DOCK5: variants seen among roughly 807,000 people sequenced by gnomAD.
The protein encoded by DOCK5 is dedicator of cytokinesis 5.
Under a neutral mutation model 251.8 loss-of-function variants are expected in DOCK5, and 142 were observed. The observed-to-expected ratio is 0.56, with a 90% CI of 0.49 to 0.65. The LOEUF (loss-of-function observed/expected upper bound fraction) is 0.65, where lower values mean the gene tolerates loss of function less well. Ranked by LOEUF, DOCK5 falls within the 30% of genes least tolerant of loss-of-function variation. The probability of loss-of-function intolerance (pLI) is 0.00; values close to 1 mark genes in which losing one functional copy is unlikely to be tolerated. For missense variants in DOCK5, 2,111 were observed against 2,312.3 expected (o/e 0.91, Z 1.79); for synonymous variants, 842 against 835.5 (o/e 1.01, Z -0.13).
At chr8:25,341,499 T>TC (rs1220291964) in intron 23 of DOCK5, among the ~76,000 whole-genome samples, 1 of 152,200 alleles carries the variant, frequency 6.6e-6, no homozygotes, top group Non-Finnish European at 1.5e-5. Context: ...AGAAATGAAC[T>TC]CCAAGTGGAC....
In DOCK5 at chr8:25,353,152, C is replaced by T. The variant is rs186023804; in HGVS notation, c.2850+1326C>T. ...AGGAGTTCGAGACTGGCCTGGGCAA[C>T]ACAGCAAGACCCCATCTCTACAAAA... On this transcript the variant is annotated intron_variant, in intron 27 of 51. Coordinates refer to ENST00000276440, the MANE Select transcript of DOCK5 (RefSeq NM_024940.8). Among the ~76,000 whole-genome samples, 382 of 152,240 alleles carry T rather than the reference C, an allele frequency of 2.5e-3. 1 individual carries two copies. Among genetic ancestry groups the T allele is most frequent in the African/African-American group, 8.5e-3 (353 of 41,524 alleles).
At chr8:25,397,766 T>C (rs913596496) in intron 45 of DOCK5, among the ~76,000 whole-genome samples, 7 of 143,814 alleles carry the variant, frequency 4.9e-5, no homozygotes, top group Non-Finnish European at 1.1e-4. Flanking sequence ...TGACACATAA[T>C]ATCATATGAA....
At chr8:25,334,303 C>A in intron 21 of DOCK5, 107 bp downstream of exon 21, 1 of 866,450 alleles carries the variant, frequency 1.2e-6, no homozygotes, top group Non-Finnish European at 1.9e-6. Context: ...AGTAAATACG[C>A]CTGTTAAGGC....
chr8:25,375,895 C>G, intron 37 of DOCK5: 1 of 868,620 alleles, frequency 1.2e-6, no homozygotes, highest in Non-Finnish European at 1.4e-6. Context: ...GTCAGGAGTT[C>G]AAGACCAGCC....
chr8:25,331,928 TA>T (rs1016234685), intron 18 of DOCK5, among the ~76,000 whole-genome samples: 1 of 151,732 alleles, frequency 6.6e-6, no homozygotes, highest in African/African-American at 2.4e-5. Flanking sequence ...GGCAGCAAAT[TA>T]AAAGTAGGAA....
rs59845416 is a variant in DOCK5 at position 25,376,103 on chromosome 8, G to GAAAAAAAAAAAAA, written c.3817-1197_3817-1185dup. 7.0e-6 allele frequency: 5 copies of GAAAAAAAAAAAAA among 715,328 alleles called. 1 individual carries two copies. The highest frequency in any genetic ancestry group is 4.2e-5 in the African/African-American group (2 of 47,890). The allele number at this position is 715,328 out of a possible 1,614,324, so 44.3% of individuals were successfully genotyped here. The stretch of plus-strand genomic sequence containing the variant: ...GATAGAGCAAGACTGTGTCTCAAAA[G>GAAAAAAAAAAAAA]AAAAAAAAAAAAAAAAAGCAACCTA... On this transcript the variant is annotated intron_variant, in intron 37 of 51. Coordinates refer to ENST00000276440, the MANE Select transcript of DOCK5 (RefSeq NM_024940.8).
chr8:25,362,921 G>C, intron 28 of DOCK5, 126 bp from the exon 29 acceptor site: 1 of 686,288 alleles, frequency 1.5e-6, no homozygotes, highest in East Asian at 2.5e-5. Context: ...ACCCTTGAAA[G>C]ATGGGCTGTT....
At chr8:25,194,750 T>A (rs1337516580) in intron 1 of DOCK5, among the ~76,000 whole-genome samples, 1 of 152,124 alleles carries the variant, frequency 6.6e-6, no homozygotes, top group Non-Finnish European at 1.5e-5. Context: ...TTCCCCAGTT[T>A]CTTGCTGTCT....
At chr8:25,395,871 T>C in intron 45 of DOCK5, 152 bp downstream of exon 45, 1 of 946,132 alleles carries the variant, frequency 1.1e-6, no homozygotes, top group East Asian at 2.6e-5. Context: ...ATGAAACGAT[T>C]GTCCCTGACT....
chr8:25,369,499 C>A (rs1229353551), intron 33 of DOCK5, 57 bp from the exon 34 acceptor site: 5 of 1,501,118 alleles, frequency 3.3e-6, no homozygotes. Context: ...AGAAAGTTGG[C>A]CATGTCTTCT....
chr8:25,312,956 A>G (rs1171180221), intron 13 of DOCK5, among the ~76,000 whole-genome samples: 2 of 152,128 alleles, frequency 1.3e-5, no homozygotes, highest in African/African-American at 4.8e-5. Flanking sequence ...TTCATCTAGA[A>G]CAATCGTTTC....
At position 25,310,400 on chromosome 8, in the gene DOCK5, T is replaced by C. The variant is rs1382617341; in HGVS notation, c.1193-7T>C. On this transcript the variant is annotated splice_region_variant and splice_polypyrimidine_tract_variant and intron_variant, in intron 12 of 51. Transcript: ENST00000276440. ...GAACTAAACGTTTATCTTTTATTTC[T>C]TTTAAGGCCTTTGGGTATCCTTGAA... 7 of 1,599,470 alleles carry C rather than the reference T, an allele frequency of 4.4e-6. No homozygotes were observed. The highest frequency in any genetic ancestry group is 5.1e-6 in the Non-Finnish European group (6 of 1,176,072).
intron 1 of DOCK5, among the ~76,000 whole-genome samples, chr8:25,228,931 A>C (rs916656487): frequency 2.0e-5 from 3 of 152,044 alleles, no homozygotes; most frequent in African/African-American, 7.2e-5. Context: ...TCAATCTTTT[A>C]AACAAAAAAA....
chr8:25,238,599 T>G (rs970706102), intron 1 of DOCK5, among the ~76,000 whole-genome samples: 2 of 152,192 alleles, frequency 1.3e-5, no homozygotes, highest in African/African-American at 2.4e-5. Context: ...ATGAATCTCT[T>G]TGAAAGCTTA....
chr8:25,301,517 C>T (rs976909985), intron 9 of DOCK5, among the ~76,000 whole-genome samples: 10 of 151,952 alleles, frequency 6.6e-5, no homozygotes, highest in African/African-American at 1.7e-4. Flanking sequence ...TTTCTGAAGT[C>T]GAACTGAATG....
chr8:25,344,341 G>A (rs1366926700), intron 25 of DOCK5, among the ~76,000 whole-genome samples: 1 of 152,168 alleles, frequency 6.6e-6, no homozygotes, highest in Non-Finnish European at 1.5e-5. Flanking sequence ...AGGCAGCCAC[G>A]GAGACTTCTT....
intron 5 of DOCK5, among the ~76,000 whole-genome samples, chr8:25,289,208 A>G (rs1187221651): frequency 6.6e-6 from 1 of 152,186 alleles, no homozygotes. Context: ...TGGTCCAGGA[A>G]TCTGTGTCCT....
chr8:25,337,273 T>C (rs1805836331), intron 22 of DOCK5, among the ~76,000 whole-genome samples: 1 of 152,098 alleles, frequency 6.6e-6, no homozygotes, highest in Non-Finnish European at 1.5e-5. Context: ...CTTTTACCTA[T>C]ACATTTGAAA....
chr8:25,231,336 A>G (rs886197739), intron 1 of DOCK5, among the ~76,000 whole-genome samples: 1 of 152,200 alleles, frequency 6.6e-6, no homozygotes, highest in African/African-American at 2.4e-5. Flanking sequence ...GCTATCACAC[A>G]CAGTGCTTCC....
Sources: gnomAD v4.1 joint callset for allele counts (sites outside exome capture counted in the v4.1 genomes callset) on GRCh38, gnomAD v4.1.1 for gene constraint, MANE v1.5 for transcripts, NCBI Gene and HGNC (gene_info 2026-07-23, HGNC 2026-07-21) for gene names.